Variants in KDM5B observed in about 807,000 individuals in gnomAD.
KDM5B encodes lysine-specific demethylase 5B.
In KDM5B, 144 loss-of-function variants were observed where a neutral mutation model predicts 193.4. The ratio of observed to expected loss-of-function variants is 0.74; its 90% CI spans 0.65 to 0.86. KDM5B has a LOEUF of 0.86. KDM5B is among the 40% of genes least tolerant of loss of function. The pLI, the probability that KDM5B is intolerant of heterozygous loss-of-function variation, is 0.00. For missense variants in KDM5B, 1,833 were observed against 1,886.9 expected (o/e 0.97, Z 0.53); for synonymous variants, 668 against 682.6 (o/e 0.98, Z 0.33).
intron 20 of KDM5B, among the ~76,000 whole-genome samples, chr1:202,737,958 C>T (rs766515773): frequency 5.3e-5 from 8 of 152,196 alleles, no homozygotes; most frequent in Middle Eastern, 3.2e-3. Context: ...CATAAATGTT[C>T]TGATGGACAC....
intron 11 of KDM5B, among the ~76,000 whole-genome samples, chr1:202,755,052 T>C (rs1655952213): frequency 6.6e-6 from 1 of 152,188 alleles, no homozygotes; most frequent in Non-Finnish European, 1.5e-5. Flanking sequence ...TCTTGCAAAG[T>C]AGTGTGTGTG....
chr1:202,772,905 C>A (rs1423931070), intron 4 of KDM5B, among the ~76,000 whole-genome samples: 15 of 152,136 alleles, frequency 9.9e-5, no homozygotes, highest in Admixed American at 9.8e-4. Flanking sequence ...CCATGTTGGC[C>A]AGGCTGGTCT....
chr1:202,777,179 G>T, intron 1 of KDM5B, 85 bp from the exon 2 acceptor site: 1 of 1,046,524 alleles, frequency 9.6e-7, no homozygotes, highest in Non-Finnish European at 1.5e-6. Flanking sequence ...ACCCAGGTTA[G>T]GTAAATCTTA....
At chr1:202,744,185 T>G (rs1274478372) in intron 16 of KDM5B, among the ~76,000 whole-genome samples, 1 of 152,186 alleles carries the variant, frequency 6.6e-6, no homozygotes, top group Non-Finnish European at 1.5e-5. Context: ...AAGATACTTT[T>G]CAAAAGAAGA....
chr1:202,739,147 G>A (rs1056548311), intron 20 of KDM5B, among the ~76,000 whole-genome samples: 4 of 152,152 alleles, frequency 2.6e-5, no homozygotes, highest in African/African-American at 4.8e-5. Flanking sequence ...CCAACAAGAG[G>A]TAATCATACT....
At chr1:202,776,916 G>T in intron 2 of KDM5B, 101 bp downstream of exon 2, 1 of 814,368 alleles carries the variant, frequency 1.2e-6, no homozygotes, top group Non-Finnish European at 2.1e-6. Flanking sequence ...TCTAAAAACA[G>T]ATTTACAATG....
In KDM5B at chr1:202,735,641, A is replaced by AT. The variant is rs1655063883; in HGVS notation, c.3265-55dup. The AT allele has an allele frequency of 4.0e-6, 6 of 1,518,406 alleles. No homozygotes were observed. In the South Asian group the frequency reaches 7.0e-5, roughly 18 times the overall value. 94.1% of individuals were successfully genotyped at this position (1,518,406 alleles called of 1,614,324 possible). On this transcript the variant is annotated intron_variant, in intron 21 of 26. Coordinates refer to ENST00000367265, the MANE Select transcript of KDM5B (RefSeq NM_006618.5). ...TAAAATAAATTTCAGATAAAGCATT[A>AT]TGTAGGAAGTCCCAAAATAAAAGCC...
Position 202,746,334 on chromosome 1 carries a change from G to C in KDM5B, c.2017-11C>G, listed in dbSNP as rs1558488861. Reference sequence around the variant, plus strand: ...CGAATCAATCACTCCCTAGAATAAAGTATACTTTAGAGAGACCTCCAAAGG... The same window carrying C: ...CGAATCAATCACTCCCTAGAATAAACTATACTTTAGAGAGACCTCCAAAGG... On this transcript the variant is annotated splice_polypyrimidine_tract_variant and intron_variant, in intron 14 of 26. Coordinates refer to ENST00000367265, the MANE Select transcript of KDM5B (RefSeq NM_006618.5). The C allele has an allele frequency of 6.3e-7, 1 of 1,580,404 alleles. No homozygotes were observed. The highest frequency in any genetic ancestry group is 2.3e-5 in the East Asian group (1 of 44,378).
At chr1:202,738,464 T>C (rs1655178119) in intron 20 of KDM5B, among the ~76,000 whole-genome samples, 1 of 152,226 alleles carries the variant, frequency 6.6e-6, no homozygotes, top group African/African-American at 2.4e-5. Flanking sequence ...TTGTTTTTGT[T>C]TTTGGCTTGC....
At chr1:202,782,356 G>A (rs767648816) in intron 1 of KDM5B, among the ~76,000 whole-genome samples, 23 of 152,192 alleles carry the variant, frequency 1.5e-4, no homozygotes, top group South Asian at 6.2e-4. Context: ...AATGGGACAC[G>A]AATTTTTTTT....
intron 1 of KDM5B, among the ~76,000 whole-genome samples, chr1:202,802,369 GT>G (rs746414267): frequency 1.3e-5 from 2 of 151,776 alleles, no homozygotes; most frequent in South Asian, 4.2e-4. Context: ...AGTTTACACT[GT>G]TTTTTTGTTG....
At chr1:202,789,698 A>C (rs1197949085) in intron 1 of KDM5B, among the ~76,000 whole-genome samples, 1 of 150,588 alleles carries the variant, frequency 6.6e-6, no homozygotes. Context: ...TTTTTTAATT[A>C]GCTAGGCATG....
At chr1:202,772,100 G>A (rs1656744491) in intron 4 of KDM5B, among the ~76,000 whole-genome samples, 1 of 152,164 alleles carries the variant, frequency 6.6e-6, no homozygotes, top group Non-Finnish European at 1.5e-5. Context: ...ACTTTGGTTA[G>A]TGATTTACCC....
chr1:202,772,103 A>G (rs572955653), intron 4 of KDM5B, among the ~76,000 whole-genome samples: 2 of 152,220 alleles, frequency 1.3e-5, no homozygotes, highest in African/African-American at 4.8e-5. Context: ...TTGGTTAGTG[A>G]TTTACCCCTC....
chr1:202,805,277 A>C (rs751853508), intron 1 of KDM5B, among the ~76,000 whole-genome samples: 2 of 152,250 alleles, frequency 1.3e-5, no homozygotes, highest in Non-Finnish European at 2.9e-5. Flanking sequence ...CTCAGATTTG[A>C]AGTATAGTCT....
In KDM5B at chr1:202,769,304, G is replaced by A. The variant is rs372666745; in HGVS notation, c.577-2244C>T. ...ACCTGCCTCAGCCTCCCAAAGTGCT[G>A]GGATTACAGGCGTGAGCCACTGCGC... On this transcript the variant is annotated intron_variant, in intron 4 of 26. Coordinates refer to ENST00000367265, the MANE Select transcript of KDM5B (RefSeq NM_006618.5). Among the ~76,000 whole-genome samples the A allele has an allele frequency of 9.3e-5, 14 of 151,114 alleles. No individual in the cohort carries two copies. In the East Asian group the frequency reaches 2.4e-3, roughly 26 times the overall value.
intron 1 of KDM5B, among the ~76,000 whole-genome samples, chr1:202,800,068 G>A (rs887748401): frequency 5.3e-5 from 8 of 151,998 alleles, no homozygotes; most frequent in South Asian, 2.1e-4. Flanking sequence ...TTTTTGAGAC[G>A]GAGTCTTGCT....
intron 11 of KDM5B, among the ~76,000 whole-genome samples, 168 bp from the exon 12 acceptor site, chr1:202,753,235 C>T (rs967633050): frequency 6.6e-6 from 1 of 152,194 alleles, no homozygotes; most frequent in African/African-American, 2.4e-5. Flanking sequence ...CTGTGGCTCA[C>T]GTCTGTAATC....
intron 4 of KDM5B, among the ~76,000 whole-genome samples, chr1:202,771,562 T>A (rs938480949): frequency 6.6e-6 from 1 of 150,510 alleles, no homozygotes; most frequent in African/African-American, 2.4e-5. Flanking sequence ...GCCTATTTTT[T>A]ATTTTTTTAA....
Sources: gnomAD v4.1 joint callset for allele counts (sites outside exome capture counted in the v4.1 genomes callset) on GRCh38, gnomAD v4.1.1 for gene constraint, MANE v1.5 for transcripts, NCBI Gene and HGNC (gene_info 2026-07-23, HGNC 2026-07-21) for gene names.